Variants in MNDA observed in about 807,000 individuals in gnomAD.
MNDA encodes the protein epididymis secretory sperm binding protein.
MNDA carries 43 observed loss-of-function variants against 37.8 expected under a neutral mutation model. The observed-to-expected ratio is 1.14, with a 90% CI of 0.89 to 1.47. MNDA has a LOEUF of 1.47. Ranked by LOEUF, MNDA falls within the 40% of genes most tolerant of loss-of-function variation. The pLI, the probability that MNDA is intolerant of heterozygous loss-of-function variation, is 0.00. For synonymous variants in MNDA, 181 were observed against 169.0 expected (o/e 1.07, Z -0.55); for missense variants, 536 against 476.0 (o/e 1.13, Z -1.17).
Position 158,849,391 on chromosome 1 carries a change from G to C in MNDA, c.*154G>C. 5.6e-6 allele frequency: 3 copies of C among 539,854 alleles called. No homozygotes were observed. Among genetic ancestry groups the C allele is most frequent in the Non-Finnish European group, 9.1e-6 (3 of 328,410 alleles). The allele number at this position is 539,854 out of a possible 1,614,324, so 33.4% of individuals were successfully genotyped here. ...GCTTTTATAACTGAGTTATAGATTAGTTTGCTTTCTGGAATAAAATTTTCT... is the reference window on the plus strand; with the variant it reads ...GCTTTTATAACTGAGTTATAGATTACTTTGCTTTCTGGAATAAAATTTTCT... On this transcript the variant is annotated 3_prime_UTR_variant, in exon 7 of 7. Coordinates refer to ENST00000368141, the MANE Select transcript of MNDA (RefSeq NM_002432.3).
In MNDA at chr1:158,843,319, A is replaced by C. The variant is rs1419959235; in HGVS notation, c.306A>C (p.Lys102Asn). 6.2e-6 allele frequency: 10 copies of C among 1,611,426 alleles called. No individual in the cohort carries two copies. The highest frequency in any genetic ancestry group is 7.6e-6 in the Non-Finnish European group (9 of 1,179,176). Residue 102 changes from lysine to asparagine, a missense_variant, in exon 3 of 7, where the codon AAA becomes AAC. Coordinates refer to ENST00000368141, the MANE Select transcript of MNDA (RefSeq NM_002432.3). ...KIKTQEKAPV[K>N]KINQEEVGLA... ...AAACACAAGAAAAAGCTCCAGTGAA[A>C]AAAATAAACCAGGAAGAAGTGGGTC...
chr1:158,836,901 T>C (rs1432848225), intron 1 of MNDA, among the ~76,000 whole-genome samples: 2 of 151,852 alleles, frequency 1.3e-5, no homozygotes, highest in East Asian at 3.8e-4. Flanking sequence ...AAATGATATG[T>C]TGTGTTTCTA....
intron 1 of MNDA, among the ~76,000 whole-genome samples, chr1:158,835,878 A>ATTTTTT (rs1658902244): frequency 6.6e-6 from 1 of 151,846 alleles, no homozygotes; most frequent in South Asian, 2.1e-4. Context: ...TTTTGCATCA[A>ATTTTTT]TTGAGATGAT....
chr1:158,843,348 C>T lies in MNDA; in HGVS notation c.335C>T (p.Ala112Val), dbSNP rs200188147. Residue 112 changes from alanine (A) to valine (V), a missense_variant, in exon 3 of 7, where the codon GCG (alanine) becomes GTG (valine). Ala to Val is a moderately conservative substitution (Grantham distance 64). Coordinates refer to ENST00000368141, the MANE Select transcript of MNDA (RefSeq NM_002432.3). ...ATAAACCAGGAAGAAGTGGGTCTTG[C>T]GGCACCTGCACCCACCGCAAGAAAC... ...KKINQEEVGL[A>V]APAPTARNKL... 49 of 1,611,978 alleles carry T rather than the reference C, an allele frequency of 3.0e-5. No homozygotes were observed. Among genetic ancestry groups the T allele is most frequent in the Middle Eastern group, 1.6e-4 (1 of 6,072 alleles).
intron 1 of MNDA, among the ~76,000 whole-genome samples, chr1:158,840,597 C>CA (rs1659012859): frequency 6.6e-6 from 1 of 152,154 alleles, no homozygotes; most frequent in Admixed American, 6.5e-5. Context: ...CTCATCCCTT[C>CA]CCAAGCCCCC....
At chr1:158,849,076 G>A in intron 6 of MNDA, 114 bp from the exon 7 acceptor site, 2 of 726,316 alleles carry the variant, frequency 2.8e-6, no homozygotes, top group Non-Finnish European at 4.5e-6. Context: ...AGGGGATAAG[G>A]AGAATAATGT....
In MNDA at chr1:158,849,223, A is replaced by G. The variant is rs199984814; in HGVS notation, c.1210A>G (p.Met404Val). The G allele has an allele frequency of 2.0e-5, 32 of 1,612,234 alleles. No homozygotes were observed. Among genetic ancestry groups the G allele is most frequent in the Non-Finnish European group, 2.7e-5 (32 of 1,178,840 alleles). The change falls in exon 7 of 7, where the codon ATG becomes GTG. Residue 404 changes from methionine (M) to valine (V), a missense_variant. Physicochemically the swap from Met to Val is conservative, Grantham distance 21. Coordinates refer to ENST00000368141, the MANE Select transcript of MNDA (RefSeq NM_002432.3). ...IKAKKNKEGP[M>V]NVN Reference sequence around the variant, plus strand: ...GGCCAAGAAAAACAAGGAAGGACCAATGAATGTTAATTGAAATATGAAAGC... The same window carrying G: ...GGCCAAGAAAAACAAGGAAGGACCAGTGAATGTTAATTGAAATATGAAAGC...
At chr1:158,848,166 T>C (rs1659178263) in intron 6 of MNDA, among the ~76,000 whole-genome samples, 1 of 152,164 alleles carries the variant, frequency 6.6e-6, no homozygotes, top group Non-Finnish European at 1.5e-5. Flanking sequence ...GCAGGGAACA[T>C]AGGGCTCAAG....
Position 158,836,422 on chromosome 1 carries a change from G to A in MNDA, c.-21+4865G>A, listed in dbSNP as rs147788676. On this transcript the variant is annotated intron_variant, in intron 1 of 6. Transcript: ENST00000368141. ...TCCTGACTAGTCATAATGACTGTTC[G>A]GATTTTCTATTTCTTTATGATTCAA... Among the ~76,000 whole-genome samples the A allele has an allele frequency of 7.7e-3, 1,176 of 151,882 alleles. 17 individuals carry two copies. The highest frequency in any genetic ancestry group is 0.027 in the African/African-American group (1,105 of 41,470).
intron 1 of MNDA, among the ~76,000 whole-genome samples, chr1:158,838,861 G>A (rs1436878083): frequency 6.6e-6 from 1 of 152,084 alleles, no homozygotes; most frequent in Non-Finnish European, 1.5e-5. Flanking sequence ...GTGGGCTGAG[G>A]AACCCCTCTA....
At chr1:158,837,243 C>A (rs1658935740) in intron 1 of MNDA, among the ~76,000 whole-genome samples, 1 of 151,706 alleles carries the variant, frequency 6.6e-6, no homozygotes, top group African/African-American at 2.4e-5. Flanking sequence ...TAATGTTTTT[C>A]AATATTTATT....
At chr1:158,838,796 C>T (rs183274734) in intron 1 of MNDA, among the ~76,000 whole-genome samples, 1 of 152,104 alleles carries the variant, frequency 6.6e-6, no homozygotes, top group East Asian at 1.9e-4. Context: ...GTTCTTCAGC[C>T]TTGATAATTA....
intron 2 of MNDA, among the ~76,000 whole-genome samples, chr1:158,842,987 C>T (rs1659062182): frequency 6.6e-6 from 1 of 152,104 alleles, no homozygotes; most frequent in South Asian, 2.1e-4. Flanking sequence ...GGTAGGAGAA[C>T]AAGACTGAGA....
At chr1:158,848,868 T>C (rs897911789) in intron 6 of MNDA, among the ~76,000 whole-genome samples, 3 of 152,112 alleles carry the variant, frequency 2.0e-5, no homozygotes, top group Admixed American at 1.3e-4. Flanking sequence ...TGTGAAAATA[T>C]GTATGCCACC....
chr1:158,834,812 G>A (rs1244953771), intron 1 of MNDA, among the ~76,000 whole-genome samples: 5 of 152,140 alleles, frequency 3.3e-5, no homozygotes, highest in Non-Finnish European at 7.3e-5. Context: ...TATGATGTAG[G>A]TAAGGGTTCA....
chr1:158,836,502 T>C (rs974833897), intron 1 of MNDA, among the ~76,000 whole-genome samples: 1 of 151,952 alleles, frequency 6.6e-6, no homozygotes, highest in Admixed American at 6.6e-5. Context: ...TTCATTTAGG[T>C]TATCCCACTT....
intron 1 of MNDA, among the ~76,000 whole-genome samples, chr1:158,833,490 T>G (rs1487682731): frequency 6.6e-6 from 1 of 152,170 alleles, no homozygotes; most frequent in African/African-American, 2.4e-5. Context: ...ACCATTCCCC[T>G]TTCCTCCAGA....
rs774869058 is a variant in MNDA, at chr1:158,842,334, T to G, written c.181T>G (p.Cys61Gly). The G allele has an allele frequency of 3.0e-5, 49 of 1,614,062 alleles. No individual in the cohort carries two copies. The highest frequency in any genetic ancestry group is 4.0e-5 in the Non-Finnish European group (47 of 1,180,018). ...LMEKKFQGVACLDKLIELAKD... is the reference protein window; with the variant it reads ...LMEKKFQGVAGLDKLIELAKD... The stretch of plus-strand genomic sequence containing the variant: ...GGAAAAAAAGTTCCAAGGCGTTGCC[T>G]GTCTAGACAAACTAATAGAACTTGC... Residue 61 changes from cysteine (C) to glycine (G), a missense_variant, in exon 2 of 7, where the codon TGT (cysteine) becomes GGT (glycine). Cys to Gly is a radical substitution (Grantham distance 159, BLOSUM62 -3). Transcript: ENST00000368141.
chr1:158,838,479 G>C (rs1183273612), intron 1 of MNDA, among the ~76,000 whole-genome samples: 1 of 152,048 alleles, frequency 6.6e-6, no homozygotes, highest in African/African-American at 2.4e-5. Context: ...TGGATATAAT[G>C]AGTTGCCTTT....
Sources: gnomAD v4.1 joint callset for allele counts (sites outside exome capture counted in the v4.1 genomes callset) on GRCh38, gnomAD v4.1.1 for gene constraint, MANE v1.5 for transcripts, NCBI Gene and HGNC (gene_info 2026-07-23, HGNC 2026-07-21) for gene names.